Variants in PTPN9 observed in about 807,000 individuals in gnomAD.
The protein encoded by PTPN9 is tyrosine-protein phosphatase non-receptor type 9.
A neutral mutation model predicts 69.8 loss-of-function variants in PTPN9; 26 were observed. The observed-to-expected ratio is 0.37, with a 90% CI of 0.27 to 0.52. The LOEUF is 0.52. PTPN9 is among the 20% of genes least tolerant of loss of function. The pLI, the probability that PTPN9 is intolerant of heterozygous loss-of-function variation, is 0.91. For missense variants in PTPN9, 549 were observed against 740.3 expected (o/e 0.74, Z 3.00); for synonymous variants, 274 against 272.5 (o/e 1.01, Z -0.05).
intron 7 of PTPN9, among the ~76,000 whole-genome samples, chr15:75,503,611 G>T (rs866977226): frequency 9.7e-6 from 1 of 103,058 alleles, no homozygotes; most frequent in African/African-American, 3.7e-5. Flanking sequence ...TCAGCCCCCC[G>T]CCCGGCCAGC....
rs537893720 is a variant in PTPN9 at position 75,468,471 on chromosome 15, C to T, written c.*298G>A. ...GAGAAAGGAGGAGGGAGGTTCCTTC[C>T]CCACTTACCTCGGGGACCCTAGCAA... On this transcript the variant is annotated 3_prime_UTR_variant, in exon 13 of 13. Transcript: ENST00000618819. 26 of 249,616 alleles carry T rather than the reference C, an allele frequency of 1.0e-4. No homozygotes were observed. The South Asian group carries it at 2.9e-3, about 28-fold the overall frequency. The allele number at this position is 249,616 out of a possible 1,614,324, so 15.5% of individuals were successfully genotyped here.
rs1208542682 is a variant in PTPN9, at chr15:75,575,194, C to T, written c.63+3520G>A. ...TTCACTGTGTTAGCCAGGATGGTCTCGATCTCCTGACCTCATGATCCGCCC... is the reference window on the plus strand; with the variant it reads ...TTCACTGTGTTAGCCAGGATGGTCTTGATCTCCTGACCTCATGATCCGCCC... On this transcript the variant is annotated intron_variant, in intron 1 of 12. Transcript: ENST00000618819. 6.0e-5 allele frequency among the ~76,000 whole-genome samples: 3 copies of T among 49,884 alleles called. 1 individual carries two copies. The highest frequency in any genetic ancestry group is 1.0e-4 in the Non-Finnish European group (3 of 30,050). 32.7% of individuals were successfully genotyped at this position (49,884 alleles called of 152,430 possible). A position where few individuals can be genotyped will look rare whatever the true frequency, so the allele number is the denominator to read the frequency against.
At chr15:75,503,954 G>C (rs1272177078) in intron 7 of PTPN9, among the ~76,000 whole-genome samples, 2 of 118,376 alleles carry the variant, frequency 1.7e-5, no homozygotes, top group Non-Finnish European at 3.6e-5. Context: ...GGTGAGGGGC[G>C]CCTCTGCCCA....
intron 1 of PTPN9, among the ~76,000 whole-genome samples, chr15:75,571,399 AAACTTT>A (rs748666983): frequency 3.9e-5 from 6 of 152,212 alleles, no homozygotes; most frequent in Non-Finnish European, 8.8e-5. Flanking sequence ...TAAATAACAT[AAACTTT>A]AAGAATTTTC....
chr15:75,552,318 A>G (rs558304547), intron 1 of PTPN9, among the ~76,000 whole-genome samples: 39 of 152,232 alleles, frequency 2.6e-4, no homozygotes, highest in South Asian at 2.1e-4. Flanking sequence ...GAGGCAGTAG[A>G]ATCACTTGAA....
intron 7 of PTPN9, among the ~76,000 whole-genome samples, chr15:75,496,497 A>ATTTTTTT (rs142240420): frequency 6.8e-6 from 1 of 147,598 alleles, no homozygotes. Flanking sequence ...AGTATTATTA[A>ATTTTTTT]CTTTTTTTTT....
intron 11 of PTPN9, among the ~76,000 whole-genome samples, 195 bp from the exon 12 acceptor site, chr15:75,470,194 C>A (rs1349606181): frequency 6.6e-6 from 1 of 152,088 alleles, no homozygotes; most frequent in Non-Finnish European, 1.5e-5. Flanking sequence ...AGGCAGAATT[C>A]CTATACTGTA....
Position 75,463,362 on chromosome 15 carries a change from A to T in PTPN9, c.*5407T>A, listed in dbSNP as rs1258243298. The T allele has an allele frequency of 6.6e-6, 1 of 152,174 alleles. No individual in the cohort carries two copies. Among genetic ancestry groups the T allele is most frequent in the African/African-American group, 2.4e-5 (1 of 41,434 alleles). The allele number at this position is 152,174 out of a possible 1,614,324, so 9.4% of individuals were successfully genotyped here. A position where few individuals can be genotyped will look rare whatever the true frequency, so the allele number is the denominator to read the frequency against. ...ATGGCTGACCTTTACTCAGGTGCAC[A>T]TCTGGCCAGTCTTGAGGCTTTAAGA... On this transcript the variant is annotated 3_prime_UTR_variant, in exon 13 of 13. Transcript: ENST00000618819.
rs1280815670 is a variant in PTPN9, at chr15:75,505,672, T to C, written c.968+3A>G. The C allele has an allele frequency of 1.2e-6, 2 of 1,608,208 alleles. No homozygotes were observed. Among genetic ancestry groups the C allele is most frequent in the Admixed American group, 1.7e-5 (1 of 59,690 alleles). The stretch of plus-strand genomic sequence containing the variant: ...GCTGCTGGCCCAAACTTTTTCTACT[T>C]ACATGGAACAGTGGAAAGTGCCAAC... On this transcript the variant is annotated splice_donor_region_variant and intron_variant, in intron 7 of 12. Transcript: ENST00000618819.
intron 1 of PTPN9, among the ~76,000 whole-genome samples, chr15:75,536,819 G>A (rs1024060009): frequency 3.3e-5 from 5 of 152,098 alleles, no homozygotes; most frequent in Admixed American, 6.6e-5. Flanking sequence ...ATAAGCAGTG[G>A]GGAAGTCAGA....
chr15:75,545,596 T>C (rs1420407214), intron 1 of PTPN9, among the ~76,000 whole-genome samples: 2 of 152,138 alleles, frequency 1.3e-5, no homozygotes, highest in African/African-American at 4.8e-5. Context: ...TCCCTGCCAA[T>C]ATCTTAACGT....
chr15:75,567,223 G>A (rs1044987194), intron 1 of PTPN9, among the ~76,000 whole-genome samples: 2 of 151,930 alleles, frequency 1.3e-5, no homozygotes, highest in African/African-American at 4.8e-5. Flanking sequence ...TTGCCATGTT[G>A]GCCAGGCTGG....
intron 7 of PTPN9, among the ~76,000 whole-genome samples, chr15:75,501,617 A>G (rs1210832046): frequency 6.6e-6 from 1 of 151,840 alleles, no homozygotes; most frequent in Non-Finnish European, 1.5e-5. Context: ...ATGCCTGGCT[A>G]ATTTTTTCGT....
At chr15:75,561,295 A>G (rs1418277472) in intron 1 of PTPN9, among the ~76,000 whole-genome samples, 1 of 152,086 alleles carries the variant, frequency 6.6e-6, no homozygotes, top group African/African-American at 2.4e-5. Context: ...AGCCTGGGCA[A>G]CAAGAACAAA....
At chr15:75,503,870 T>C (rs1466079325) in intron 7 of PTPN9, among the ~76,000 whole-genome samples, 29 of 41,754 alleles carry the variant, frequency 6.9e-4, no homozygotes, top group South Asian at 2.7e-3. Context: ...GGGTCAGCCC[T>C]CCGCCCGGCC....
chr15:75,470,896 C>A, intron 10 of PTPN9, 66 bp from the exon 11 acceptor site: 1 of 1,567,520 alleles, frequency 6.4e-7, no homozygotes, highest in Non-Finnish European at 8.7e-7. Context: ...CTGGCTTCCC[C>A]AAAGACCTGA....
intron 11 of PTPN9, 107 bp downstream of exon 11, chr15:75,470,573 A>G (rs892770985): frequency 7.3e-7 from 1 of 1,361,054 alleles, no homozygotes; most frequent in African/African-American, 1.5e-5. Flanking sequence ...AAACAGAAGC[A>G]ACTCATAACT....
intron 7 of PTPN9, among the ~76,000 whole-genome samples, chr15:75,491,575 A>G (rs1453169459): frequency 2.0e-5 from 3 of 152,278 alleles, no homozygotes; most frequent in Non-Finnish European, 4.4e-5. Context: ...TAGAATTTGG[A>G]AGTACATGCA....
At position 75,490,567 on chromosome 15, in the gene PTPN9, G is replaced by C. The variant is rs147524537; in HGVS notation, c.969-266C>G. Among the ~76,000 whole-genome samples, 898 of 152,276 alleles carry C rather than the reference G, an allele frequency of 5.9e-3. 10 individuals carry two copies. Among genetic ancestry groups the C allele is most frequent in the African/African-American group, 0.021 (862 of 41,560 alleles). On this transcript the variant is annotated intron_variant, in intron 7 of 12. Transcript: ENST00000618819. ...CACCTGTAGTCCCAGCACTTTGGGA[G>C]GCAGGAGGATTGCTTGAGGCCAGGA...
Sources: allele counts gnomAD v4.1 joint callset (sites outside exome capture counted in the v4.1 genomes callset), GRCh38; gene constraint gnomAD v4.1.1; transcripts MANE v1.5; gene names NCBI Gene and HGNC (gene_info 2026-07-23, HGNC 2026-07-21).